The following SGCZ variants were observed in gnomAD, a reference collection of about 807,000 sequenced individuals.
The protein encoded by SGCZ is zeta-sarcoglycan.
A neutral mutation model predicts 41.3 loss-of-function variants in SGCZ; 40 were observed. The ratio of observed to expected loss-of-function variants is 0.97; its 90% CI spans 0.75 to 1.26. SGCZ has a LOEUF of 1.26. Among genes scored for constraint, SGCZ ranks in the 50% most tolerant of loss-of-function variants. The pLI is 0.00. For missense variants in SGCZ, 552 were observed against 369.8 expected (o/e 1.49, Z -4.04); for synonymous variants, 206 against 137.5 (o/e 1.50, Z -3.49).
At chr8:14,743,746 G>A (rs892813920) in intron 1 of SGCZ, among the ~76,000 whole-genome samples, 6 of 151,724 alleles carry the variant, frequency 4.0e-5, no homozygotes, top group African/African-American at 1.5e-4. Context: ...TTTCCGTCTT[G>A]CAAAAAGAAA....
chr8:15,237,424 C>T (rs180920764), intron 1 of SGCZ, among the ~76,000 whole-genome samples, 161 bp downstream of exon 1: 1 of 152,320 alleles, frequency 6.6e-6, no homozygotes, highest in Non-Finnish European at 1.5e-5. Context: ...TCCTCGGCCC[C>T]AGCAGGGGCG....
At chr8:14,961,918 T>C (rs1221535120) in intron 1 of SGCZ, among the ~76,000 whole-genome samples, 1 of 152,212 alleles carries the variant, frequency 6.6e-6, no homozygotes, top group Admixed American at 6.5e-5. Flanking sequence ...CCAATGTATG[T>C]CATAATTTAC....
chr8:14,168,189 C>T (rs1428070718), intron 4 of SGCZ, among the ~76,000 whole-genome samples: 1 of 152,088 alleles, frequency 6.6e-6, no homozygotes, highest in Non-Finnish European at 1.5e-5. Context: ...ACAAGGAAAA[C>T]AAAAATGAGA....
At chr8:14,933,984 A>G (rs1398902040) in intron 1 of SGCZ, among the ~76,000 whole-genome samples, 1 of 151,942 alleles carries the variant, frequency 6.6e-6, no homozygotes, top group African/African-American at 2.4e-5. Flanking sequence ...AAAAATTCAT[A>G]ATTACCAACA....
intron 1 of SGCZ, among the ~76,000 whole-genome samples, chr8:15,127,408 A>C (rs1006898666): frequency 2.0e-5 from 3 of 152,178 alleles, no homozygotes; most frequent in African/African-American, 7.2e-5. Flanking sequence ...AAATATTTCA[A>C]ATTTAAATAA....
intron 2 of SGCZ, among the ~76,000 whole-genome samples, chr8:14,514,064 T>A (rs181279370): frequency 6.6e-6 from 1 of 152,198 alleles, no homozygotes; most frequent in Admixed American, 6.5e-5. Context: ...AGGAGTTGCA[T>A]TGGTGATAGC....
At chr8:14,140,378 C>T (rs951860007) in intron 5 of SGCZ, among the ~76,000 whole-genome samples, 7 of 152,046 alleles carry the variant, frequency 4.6e-5, no homozygotes, top group East Asian at 3.9e-4. Context: ...GGAAGTCAAA[C>T]TGTCCCTGTT....
At chr8:14,267,262 A>T (rs572042721) in intron 3 of SGCZ, among the ~76,000 whole-genome samples, 2 of 152,084 alleles carry the variant, frequency 1.3e-5, no homozygotes, top group Non-Finnish European at 2.9e-5. Flanking sequence ...AACAAGTATT[A>T]TATGTCATAA....
chr8:15,201,199 T>G (rs1196482151), intron 1 of SGCZ, among the ~76,000 whole-genome samples: 4 of 152,092 alleles, frequency 2.6e-5, no homozygotes, highest in Non-Finnish European at 5.9e-5. Flanking sequence ...GTATTTTTAT[T>G]AGAGAGGGAG....
At chr8:14,769,793 T>TAAAAAAAAAAAAAAAAAAAAA (rs565416806) in intron 1 of SGCZ, among the ~76,000 whole-genome samples, 8 of 52,196 alleles carry the variant, frequency 1.5e-4, no homozygotes, top group Non-Finnish European at 2.5e-4. Context: ...AAAACACCAT[T>TAAAAAAAAAAAAAAAAAAAAA]AAAAAAAAAA....
At chr8:14,890,658 T>A (rs142996061) in intron 1 of SGCZ, among the ~76,000 whole-genome samples, 1 of 152,190 alleles carries the variant, frequency 6.6e-6, no homozygotes, top group South Asian at 2.1e-4. Flanking sequence ...CTAGTGAGGA[T>A]AATTGATGAA....
intron 1 of SGCZ, among the ~76,000 whole-genome samples, chr8:14,869,407 C>T (rs1368761200): frequency 6.6e-6 from 1 of 152,116 alleles, no homozygotes; most frequent in African/African-American, 2.4e-5. Context: ...GCTAAAAACT[C>T]ACAATAAACT....
intron 1 of SGCZ, among the ~76,000 whole-genome samples, chr8:15,198,900 G>A (rs4831691): frequency 0.061 from 9,227 of 152,186 alleles, 416 homozygotes; most frequent in Middle Eastern, 0.18. Flanking sequence ...AGGTATCAAG[G>A]AAAAGCATAG....
chr8:14,359,427 ATTC>A (rs1422480204), intron 2 of SGCZ, among the ~76,000 whole-genome samples: 7 of 152,256 alleles, frequency 4.6e-5, no homozygotes, highest in East Asian at 1.9e-4. Flanking sequence ...CAGAATATAC[ATTC>A]TTCTTCTCGG....
At chr8:14,939,831 C>T (rs1294847138) in intron 1 of SGCZ, among the ~76,000 whole-genome samples, 1 of 152,106 alleles carries the variant, frequency 6.6e-6, no homozygotes, top group Non-Finnish European at 1.5e-5. Flanking sequence ...CTCTCCTCTC[C>T]AGCCTTCACC....
In SGCZ at chr8:15,097,759, T is replaced by C. The variant is rs1297136716; in HGVS notation, c.39+139826A>G. On this transcript the variant is annotated intron_variant, in intron 1 of 7. Transcript: ENST00000382080. ...AAATATATATATATATACACGTATA[T>C]ATGTGTTTATATATATATATACGTG... is the stretch of plus-strand genomic sequence containing the variant. Among the ~76,000 whole-genome samples the C allele has an allele frequency of 2.1e-5, 3 of 144,300 alleles. No homozygotes were observed. In the East Asian group the frequency reaches 6.0e-4, roughly 29 times the overall value. The allele number at this position is 144,300 out of a possible 152,430, so 94.7% of individuals were successfully genotyped here.
At chr8:14,352,539 T>C (rs1375037336) in intron 2 of SGCZ, among the ~76,000 whole-genome samples, 1 of 152,064 alleles carries the variant, frequency 6.6e-6, no homozygotes, top group African/African-American at 2.4e-5. Context: ...CACTGAATAT[T>C]ACCAGGTGCA....
At chr8:14,575,991 T>C (rs1349162325) in intron 1 of SGCZ, among the ~76,000 whole-genome samples, 2 of 149,766 alleles carry the variant, frequency 1.3e-5, no homozygotes, top group South Asian at 2.1e-4. Context: ...TTGACATTCA[T>C]AGATCACAAA....
chr8:14,249,133 G>C (rs969162301), intron 3 of SGCZ, among the ~76,000 whole-genome samples: 5 of 152,122 alleles, frequency 3.3e-5, no homozygotes, highest in African/African-American at 7.2e-5. Flanking sequence ...CATTCAGGAA[G>C]ATTTTCTTCC....
Sources: allele counts gnomAD v4.1 joint callset (sites outside exome capture counted in the v4.1 genomes callset), GRCh38; gene constraint gnomAD v4.1.1; transcripts MANE v1.5; gene names NCBI Gene and HGNC (gene_info 2026-07-23, HGNC 2026-07-21).